The following METTL24 variants were observed in gnomAD, a reference collection of about 807,000 sequenced individuals.
METTL24 encodes methyltransferase like 24, also known as probable methyltransferase-like protein 24.
METTL24 carries 29 observed loss-of-function variants against 32.7 expected under a neutral mutation model. That is an observed-to-expected ratio of 0.89 (90% CI 0.66 to 1.21). The LOEUF is 1.21. Among genes scored for constraint, METTL24 ranks in the 50% most tolerant of loss-of-function variants. METTL24 has a pLI of 0.00. For missense variants in METTL24, 439 were observed against 468.1 expected, an observed-to-expected ratio of 0.94 and a Z score of 0.57; for synonymous variants, 163 against 179.5, an observed-to-expected ratio of 0.91 and a Z score of 0.73.
intron 3 of METTL24, among the ~76,000 whole-genome samples, chr6:110,313,757 TAATC>T (rs1771766476): frequency 6.6e-6 from 1 of 152,200 alleles, no homozygotes; most frequent in Admixed American, 6.5e-5. Flanking sequence ...AGCTCTGTTC[TAATC>T]AATTGGCTGA....
intron 4 of METTL24, among the ~76,000 whole-genome samples, chr6:110,252,749 C>CA (rs1778305319): frequency 6.6e-6 from 1 of 152,066 alleles, no homozygotes; most frequent in South Asian, 2.1e-4. Flanking sequence ...TATTATTTTC[C>CA]AAAGATGTAA....
At chr6:110,278,190 G>A (rs1256516535) in intron 4 of METTL24, among the ~76,000 whole-genome samples, 1 of 152,020 alleles carries the variant, frequency 6.6e-6, no homozygotes, top group Non-Finnish European at 1.5e-5. Flanking sequence ...TTCATTTCTG[G>A]TTCCCGTGTG....
At chr6:110,332,702 G>A (rs960526770) in intron 1 of METTL24, 1 of 152,810 alleles carries the variant, frequency 6.5e-6, no homozygotes, top group Non-Finnish European at 1.5e-5. Flanking sequence ...AAGGCTAGGA[G>A]TTCAAGACCA....
At chr6:110,300,154 A>T (rs1416347891) in intron 3 of METTL24, among the ~76,000 whole-genome samples, 2 of 152,186 alleles carry the variant, frequency 1.3e-5, no homozygotes, top group Non-Finnish European at 2.9e-5. Flanking sequence ...TGGATCAGAA[A>T]TACAGCATTG....
chr6:110,351,065 G>A (rs527850376), intron 1 of METTL24, among the ~76,000 whole-genome samples: 11 of 151,976 alleles, frequency 7.2e-5, no homozygotes, highest in Non-Finnish European at 1.3e-4. Context: ...CCGAGATCGC[G>A]CCACTGCACT....
At chr6:110,288,258 A>G (rs1369189996) in intron 4 of METTL24, among the ~76,000 whole-genome samples, 3 of 152,108 alleles carry the variant, frequency 2.0e-5, no homozygotes, top group African/African-American at 4.8e-5. Context: ...TGTTACTCAA[A>G]GTACAGCTTC....
In METTL24 at chr6:110,358,141, G is replaced by A; in HGVS notation, c.132C>T (p.Ser44=). 8.7e-7 allele frequency: 1 copy of A among 1,150,820 alleles called. No homozygotes were observed. Among genetic ancestry groups the A allele is most frequent in the Non-Finnish European group, 1.1e-6 (1 of 937,144 alleles). The allele number at this position is 1,150,820 out of a possible 1,614,324, so 71.3% of individuals were successfully genotyped here. A position where few individuals can be genotyped will look rare whatever the true frequency, so the allele number is the denominator to read the frequency against. ...GCCGCCAGGCCGGGCCCGGCGGGGCGCTGCGGGTGGGGGACCCGGGCCCGG... is the reference window on the plus strand; with the variant it reads ...GCCGCCAGGCCGGGCCCGGCGGGGCACTGCGGGTGGGGGACCCGGGCCCGG... ...RRAGPGSPTR[S]APPGPAWRPP... The change falls in exon 1 of 5, where the codon AGC becomes AGT. Residue 44 remains serine, a synonymous_variant. Coordinates refer to ENST00000338882, the MANE Select transcript of METTL24 (RefSeq NM_001123364.3).
intron 1 of METTL24, among the ~76,000 whole-genome samples, chr6:110,354,529 T>A (rs1309890384): frequency 6.6e-6 from 1 of 152,228 alleles, no homozygotes; most frequent in Non-Finnish European, 1.5e-5. Flanking sequence ...ATATTGTTGA[T>A]CAGTATTCTC....
intron 3 of METTL24, among the ~76,000 whole-genome samples, chr6:110,312,170 G>T (rs1341164809): frequency 1.3e-5 from 2 of 152,136 alleles, no homozygotes; most frequent in African/African-American, 4.8e-5. Flanking sequence ...ATCCCAGTTA[G>T]AATGGCTATT....
At chr6:110,264,545 A>G (rs574282468) in intron 4 of METTL24, among the ~76,000 whole-genome samples, 1 of 152,236 alleles carries the variant, frequency 6.6e-6, no homozygotes, top group East Asian at 1.9e-4. Context: ...TAGCTCAACC[A>G]TTGTGGAAGT....
chr6:110,351,394 T>C (rs1391497249), intron 1 of METTL24, among the ~76,000 whole-genome samples: 1 of 152,072 alleles, frequency 6.6e-6, no homozygotes, highest in East Asian at 1.9e-4. Flanking sequence ...TACATGTAGA[T>C]AGAGAAATAG....
chr6:110,270,230 C>T (rs952394827), intron 4 of METTL24, among the ~76,000 whole-genome samples: 2 of 151,892 alleles, frequency 1.3e-5, no homozygotes, highest in Non-Finnish European at 2.9e-5. Flanking sequence ...AGTGGTGGCT[C>T]GTTTTAAAAT....
chr6:110,271,975 C>A (rs1770965311), intron 4 of METTL24, among the ~76,000 whole-genome samples: 1 of 152,046 alleles, frequency 6.6e-6, no homozygotes, highest in Non-Finnish European at 1.5e-5. Context: ...AAAAATAAAT[C>A]ATTCAACAGA....
chr6:110,335,563 A>C (rs1051224607), intron 1 of METTL24, among the ~76,000 whole-genome samples: 3 of 113,630 alleles, frequency 2.6e-5, no homozygotes, highest in South Asian at 2.6e-4. Context: ...GTAGGGAATC[A>C]TTGTTTTTTT....
intron 3 of METTL24, among the ~76,000 whole-genome samples, chr6:110,314,711 C>T (rs1485078222): frequency 6.6e-6 from 1 of 152,134 alleles, no homozygotes. Context: ...CCTGTAATCC[C>T]AGCGCTTTGG....
intron 1 of METTL24, among the ~76,000 whole-genome samples, chr6:110,355,432 A>T (rs1772682804): frequency 6.6e-6 from 1 of 152,228 alleles, no homozygotes; most frequent in Non-Finnish European, 1.5e-5. Flanking sequence ...TGAGAGCTAA[A>T]CATGCCAGGC....
chr6:110,296,940 C>T (rs541200992), intron 4 of METTL24, among the ~76,000 whole-genome samples: 1 of 152,238 alleles, frequency 6.6e-6, no homozygotes, highest in South Asian at 2.1e-4. Flanking sequence ...CTCCTAGAAG[C>T]ATTTTCCTAA....
intron 1 of METTL24, among the ~76,000 whole-genome samples, chr6:110,341,585 A>G (rs1005467524): frequency 5.3e-5 from 8 of 152,196 alleles, no homozygotes; most frequent in African/African-American, 1.9e-4. Context: ...AAGCTTTAAG[A>G]TATATTCGTT....
At position 110,322,751 on chromosome 6, in the gene METTL24, C is replaced by T. The variant is rs201384317; in HGVS notation, c.417+23G>A. 1.0e-4 allele frequency: 165 copies of T among 1,586,390 alleles called. No individual in the cohort carries two copies. The African/African-American group carries it at 1.9e-3, about 18-fold the overall frequency. On this transcript the variant is annotated intron_variant, in intron 2 of 4. Coordinates refer to ENST00000338882, the MANE Select transcript of METTL24 (RefSeq NM_001123364.3). Reference sequence around the variant, plus strand: ...CAGGATCTTTCACATTCTTCTCTAACTTCTTTGAGCCTGAAACACAACCTG... The same window carrying T: ...CAGGATCTTTCACATTCTTCTCTAATTTCTTTGAGCCTGAAACACAACCTG...
Sources: allele counts gnomAD v4.1 joint callset (sites outside exome capture counted in the v4.1 genomes callset), GRCh38; gene constraint gnomAD v4.1.1; transcripts MANE v1.5; gene names NCBI Gene and HGNC (gene_info 2026-07-23, HGNC 2026-07-21).